CPLANE1: variants seen among roughly 807,000 people sequenced by gnomAD.
The protein encoded by CPLANE1 is ciliogenesis and planar polarity effector complex subunit 1, also known as ciliogenesis and planar polarity effector 1.
In CPLANE1, 263 loss-of-function variants were observed where a neutral mutation model predicts 362.5. The observed-to-expected ratio is 0.73, with a 90% CI of 0.66 to 0.80. The LOEUF is 0.80. Ranked by LOEUF, CPLANE1 falls within the 30% of genes least tolerant of loss-of-function variation. The pLI is 0.00. For synonymous variants in CPLANE1, 1,212 were observed against 1,302.6 expected (o/e 0.93, Z 1.50); for missense variants, 3,461 against 3,793.4 (o/e 0.91, Z 2.30).
chr5:37,241,960 A>G (rs1800622962), intron 6 of CPLANE1, among the ~76,000 whole-genome samples: 1 of 152,208 alleles, frequency 6.6e-6, no homozygotes, highest in Admixed American at 6.6e-5. Context: ...CATGTAAGTT[A>G]TATCTTAATA....
chr5:37,140,615 C>G, intron 44 of CPLANE1: 2 of 985,292 alleles, frequency 2.0e-6, no homozygotes, highest in Non-Finnish European at 2.4e-6. Flanking sequence ...CTGGCCTATT[C>G]ACGAAAAAAA....
intron 15 of CPLANE1, among the ~76,000 whole-genome samples, chr5:37,215,075 G>A (rs997855945): frequency 1.4e-4 from 22 of 151,994 alleles, no homozygotes; most frequent in African/African-American, 2.4e-5. Context: ...TTGAGACAGA[G>A]TTTCACTTTT....
rs1769726422 is a variant in CPLANE1 at position 37,141,574 on chromosome 5, T to C, written c.8632+736A>G. 4 of 961,360 alleles carry C rather than the reference T, an allele frequency of 4.2e-6. No homozygotes were observed. In the East Asian group the frequency reaches 4.6e-4, roughly 111 times the overall value. 59.6% of individuals were successfully genotyped at this position (961,360 alleles called of 1,614,324 possible). The stretch of plus-strand genomic sequence containing the variant: ...TTTTATTTAAGTAACAGTAATGCCA[T>C]TTAAAATAGCATTTTTACTGTTTAT... On this transcript the variant is annotated intron_variant, in intron 44 of 52. Coordinates refer to ENST00000651892, the MANE Select transcript of CPLANE1 (RefSeq NM_001384732.1).
chr5:37,111,317 G>C (rs1238495298), intron 51 of CPLANE1, among the ~76,000 whole-genome samples: 1 of 150,452 alleles, frequency 6.6e-6, no homozygotes, highest in Non-Finnish European at 1.5e-5. Context: ...GTAGAGACGG[G>C]GTTTCACGGT....
rs1782535991 is a variant in CPLANE1, at chr5:37,181,024, A to C, written c.5422-19T>G. 2 of 1,596,558 alleles carry C rather than the reference A, an allele frequency of 1.3e-6. No homozygotes were observed. Among genetic ancestry groups the C allele is most frequent in the African/African-American group, 1.3e-5 (1 of 74,640 alleles). On this transcript the variant is annotated intron_variant, in intron 26 of 52. Coordinates refer to ENST00000651892, the MANE Select transcript of CPLANE1 (RefSeq NM_001384732.1). ...CTACCATCTAAAGCAAACCATTTAAAGTATTTAGTATTTATTGAACCCTTT... is the reference window on the plus strand; with the variant it reads ...CTACCATCTAAAGCAAACCATTTAACGTATTTAGTATTTATTGAACCCTTT...
At chr5:37,190,932 A>C (rs1785363778) in intron 21 of CPLANE1, among the ~76,000 whole-genome samples, 1 of 152,196 alleles carries the variant, frequency 6.6e-6, no homozygotes, top group Non-Finnish European at 1.5e-5. Context: ...TGGTTTATTT[A>C]TTTACTATAC....
At position 37,209,680 on chromosome 5, in the gene CPLANE1, TTA is replaced by T; in HGVS notation, c.2921-3257_2921-3256del. On this transcript the variant is annotated intron_variant, in intron 16 of 52. Transcript: ENST00000651892. The surrounding 1 kb of genome is among the most constrained non-coding windows in gnomAD (Gnocchi z 4.6). ...AGTGGTTTGGCAAAAGAAAAGGTAT[TTA>T]CTATGCAGGATCTATTACAACTCAT... 1 of 1,304,982 alleles carries T rather than the reference TTA, an allele frequency of 7.7e-7. No individual in the cohort carries two copies. Among genetic ancestry groups the T allele is most frequent in the Admixed American group, 1.7e-5 (1 of 59,420 alleles). 80.8% of individuals were successfully genotyped at this position (1,304,982 alleles called of 1,614,324 possible). A position where few individuals can be genotyped will look rare whatever the true frequency, so the allele number is the denominator to read the frequency against.
Position 37,227,609 on chromosome 5 carries a change from G to A in CPLANE1, c.1330C>T (p.Gln444Ter), listed in dbSNP as rs1347857852. ...CTTTGATATATTTTCTCAAGCCTCT[G>A]GGTTGAATCAAGTAGAAGTGATCTC... ...HMRSLLLDST[Q>*]RLEKIYQSVI... The change falls in exon 10 of 53, where the codon CAG (glutamine) becomes TAG (stop). Residue 444 changes from glutamine to a stop codon, truncating the protein, a stop_gained. Coordinates refer to ENST00000651892, the MANE Select transcript of CPLANE1 (RefSeq NM_001384732.1). LOFTEE classifies it high-confidence loss of function. 2 of 1,551,294 alleles carry A rather than the reference G, an allele frequency of 1.3e-6. No homozygotes were observed. Among genetic ancestry groups the A allele is most frequent in the East Asian group, 4.9e-5 (2 of 40,882 alleles).
chr5:37,110,188 C>T (rs1758742424), intron 51 of CPLANE1, among the ~76,000 whole-genome samples: 2 of 152,090 alleles, frequency 1.3e-5, no homozygotes, highest in Admixed American at 1.3e-4. Flanking sequence ...CACTGGATCT[C>T]AAGTAAAATC....
In CPLANE1 at chr5:37,207,665, C is replaced by T. The variant is rs572941033; in HGVS notation, c.2921-1240G>A. ...ACATAGTTCAAAATCCATGGTTCTACGACTGATTATATTTGCTGACCACTT... is the reference window on the plus strand; with the variant it reads ...ACATAGTTCAAAATCCATGGTTCTATGACTGATTATATTTGCTGACCACTT... On this transcript the variant is annotated intron_variant, in intron 16 of 52. Transcript: ENST00000651892. 4.6e-5 allele frequency among the ~76,000 whole-genome samples: 7 copies of T among 152,252 alleles called. No individual in the cohort carries two copies. In the South Asian group the frequency reaches 8.3e-4, roughly 18 times the overall value.
intron 38 of CPLANE1, 115 bp from the exon 39 acceptor site, chr5:37,158,460 A>G: frequency 1.0e-6 from 1 of 997,754 alleles, no homozygotes; most frequent in Non-Finnish European, 1.4e-6. Flanking sequence ...GTACTTCTTG[A>G]AATCTAAGTA....
chr5:37,139,012 A>T (rs1382993237), intron 45 of CPLANE1, among the ~76,000 whole-genome samples, 164 bp from the exon 46 acceptor site: 3 of 152,214 alleles, frequency 2.0e-5, no homozygotes, highest in Non-Finnish European at 4.4e-5. Flanking sequence ...AGACTAATCA[A>T]CAAAAAGTAA....
the CPLANE1 span, among the ~76,000 whole-genome samples, chr5:37,089,235 C>T: frequency 1.3e-5 from 2 of 152,146 alleles, no homozygotes; most frequent in African/African-American, 2.4e-5. Context: ...TGGAAGCACA[C>T]ACAGCCAAGC....
At chr5:37,154,017 C>A (rs754749238) in intron 41 of CPLANE1, 24 bp from the exon 42 acceptor site, 6 of 1,566,494 alleles carry the variant, frequency 3.8e-6, no homozygotes, top group South Asian at 1.2e-5. Context: ...AGAATAAAAG[C>A]AGAATTGATT....
rs564302152 is a variant in CPLANE1 at position 37,232,934 on chromosome 5, G to C, written c.939-1885C>G. 2.0e-5 allele frequency among the ~76,000 whole-genome samples: 3 copies of C among 151,974 alleles called. No individual in the cohort carries two copies. The South Asian group carries it at 6.2e-4, about 32-fold the overall frequency. ...AACTCCTCCATGGAGAGGAACCATG[G>C]ACTGTCCACTTACTATTAAGTAGTA... On this transcript the variant is annotated intron_variant, in intron 8 of 52. Transcript: ENST00000651892.
At chr5:37,229,253 T>G (rs1313457979) in intron 9 of CPLANE1, among the ~76,000 whole-genome samples, 1 of 151,088 alleles carries the variant, frequency 6.6e-6, no homozygotes, top group African/African-American at 2.4e-5. Flanking sequence ...ATGTCATTTT[T>G]GCTAAATATA....
intron 8 of CPLANE1, among the ~76,000 whole-genome samples, chr5:37,237,119 A>T (rs942932123): frequency 6.6e-6 from 1 of 152,224 alleles, no homozygotes; most frequent in Non-Finnish European, 1.5e-5. Flanking sequence ...AAATCATTAT[A>T]TCAAAAAGAT....
At chr5:37,109,759 C>T (rs527466775) in intron 51 of CPLANE1, among the ~76,000 whole-genome samples, 3 of 152,300 alleles carry the variant, frequency 2.0e-5, no homozygotes, top group Admixed American at 1.3e-4. Flanking sequence ...CGGATTCAAG[C>T]GAGTCTCCTG....
chr5:37,119,561 T>C (rs1762036884), intron 50 of CPLANE1, among the ~76,000 whole-genome samples: 1 of 152,034 alleles, frequency 6.6e-6, no homozygotes, highest in Non-Finnish European at 1.5e-5. Flanking sequence ...TCCCAGCTAT[T>C]TGGGAGGCTG....
Sources: gnomAD v4.1 joint callset for allele counts (sites outside exome capture counted in the v4.1 genomes callset) on GRCh38, gnomAD v4.1.1 for gene constraint, Gnocchi (gnomAD v3.1) non-coding constraint, MANE v1.5 for transcripts, NCBI Gene and HGNC (gene_info 2026-07-23, HGNC 2026-07-21) for gene names.